Variants in DLG3 observed in about 807,000 individuals in gnomAD.
DLG3 encodes disks large homolog 3.
DLG3 carries 1 observed loss-of-function variant against 64.1 expected under a neutral mutation model. The ratio of observed to expected loss-of-function variants is 0.02; its 90% CI spans 0.01 to 0.07. The LOEUF (loss-of-function observed/expected upper bound fraction) is 0.07. DLG3 is among the 10% of genes least tolerant of loss of function. The pLI is 1.00. For missense variants in DLG3, 429 were observed against 669.5 expected (o/e 0.64, Z 3.96); for synonymous variants, 245 against 259.8 (o/e 0.94, Z 0.55).
chrX:70,450,096 T>C (rs1019860535), intron 4 of DLG3, 73 bp from the exon 5 acceptor site: 85 of 1,169,068 alleles, frequency 7.3e-5, no homozygotes, highest in South Asian at 1.9e-5. Flanking sequence ...GGGGAGGGGG[T>C]TTGGATTTGG....
In DLG3 at chrX:70,499,180, C is replaced by T. The variant is rs1305389462; in HGVS notation, c.1875C>T (p.His625=). ...CTCGATGCTCTCCCTCTCTAGTTCA[C>T]TATGCAAGGCCTGTGATCATCCTGG... The part of the protein sequence containing the change: ...SYEPVTRQEI[H]YARPVIILGP... The change falls in exon 15 of 19, where the codon CAC becomes CAT. Residue 625 remains histidine, a synonymous_variant. Transcript: ENST00000374360. 1 of 1,203,282 alleles carries T rather than the reference C, an allele frequency of 8.3e-7. No individual in the cohort carries two copies. Among genetic ancestry groups the T allele is most frequent in the Non-Finnish European group, 1.1e-6 (1 of 888,359 alleles).
intron 8 of DLG3, 124 bp downstream of exon 8, chrX:70,453,917 CTT>C: frequency 1.4e-6 from 1 of 723,695 alleles, no homozygotes. Context: ...CTGGAGAAAA[CTT>C]CTCTTGTTTT....
At position 70,458,007 on chromosome X, in the gene DLG3, C is replaced by G. The variant is rs143393855; in HGVS notation, c.1405+3691C>G. Among the ~76,000 whole-genome samples, 43 of 111,833 alleles carry G rather than the reference C, an allele frequency of 3.8e-4. No individual in the cohort carries two copies. The East Asian group carries it at 0.012, about 31-fold the overall frequency. ...CCTCCCACCTCAGCCTCCTGAGTAG[C>G]TGGGACTATAGGTGTGCACCAATAC... On this transcript the variant is annotated intron_variant, in intron 9 of 18. Coordinates refer to ENST00000374360, the MANE Select transcript of DLG3 (RefSeq NM_021120.4).
intron 10 of DLG3, among the ~76,000 whole-genome samples, chrX:70,486,267 G>C (rs2087252439): frequency 8.9e-6 from 1 of 112,065 alleles, no homozygotes; most frequent in Admixed American, 9.5e-5. Context: ...GCTTCGTAGA[G>C]ATATGTGGCC....
chrX:70,450,819 C>A (rs1324933686), intron 6 of DLG3, 36 bp downstream of exon 6: 1 of 1,209,424 alleles, frequency 8.3e-7, no homozygotes, highest in Admixed American at 2.2e-5. Flanking sequence ...TGGTCTAAAG[C>A]TCTGTCCCCT....
At chrX:70,462,808 G>A (rs1319164318) in intron 9 of DLG3, among the ~76,000 whole-genome samples, 4 of 111,479 alleles carry the variant, frequency 3.6e-5, no homozygotes, top group African/African-American at 6.5e-5. Context: ...GAACTGTCTG[G>A]CTTTTTTTAA....
chrX:70,480,357 TC>T (rs2087131303), intron 10 of DLG3, among the ~76,000 whole-genome samples: 1 of 111,647 alleles, frequency 9.0e-6, no homozygotes, highest in African/African-American at 3.3e-5. Context: ...CTTTTCTTTT[TC>T]CCCAGTTGGT....
At chrX:70,463,583 G>A (rs1420928120) in intron 9 of DLG3, among the ~76,000 whole-genome samples, 1 of 111,668 alleles carries the variant, frequency 9.0e-6, no homozygotes, top group Non-Finnish European at 1.9e-5. Flanking sequence ...TGCACAATAG[G>A]GTAATTGTTT....
In DLG3 at chrX:70,468,446, A is replaced by T. The variant is rs2086919587; in HGVS notation, c.1406-10704A>T. Among the ~76,000 whole-genome samples, 3 of 111,315 alleles carry T rather than the reference A, an allele frequency of 2.7e-5. No individual in the cohort carries two copies. In the Admixed American group the frequency reaches 2.9e-4, roughly 11 times the overall value. ...TTTGGGGGACAAAAACATCCAGTCA[A>T]TAGGGATAAACTGGAAATTTTTATG... On this transcript the variant is annotated intron_variant, in intron 9 of 18. Coordinates refer to ENST00000374360, the MANE Select transcript of DLG3 (RefSeq NM_021120.4).
chrX:70,450,556 T>C lies in DLG3; in HGVS notation c.841-83T>C, dbSNP rs10127352. ...GGGCCTTTGTTAGCATGCTGTTGAA[T>C]TTCACTGAAAAGGCATCCCTCGAGT... is the stretch of plus-strand genomic sequence containing the variant. On this transcript the variant is annotated intron_variant, in intron 5 of 18. Transcript: ENST00000374360. The C allele has an allele frequency of 5.3e-6, 6 of 1,133,658 alleles. No homozygotes were observed. In the African/African-American group the frequency reaches 1.1e-4, roughly 20 times the overall value. 93.4% of individuals were successfully genotyped at this position (1,133,658 alleles called of 1,213,427 possible).
chrX:70,479,954 A>G (rs1355750560), intron 10 of DLG3, among the ~76,000 whole-genome samples: 1 of 111,789 alleles, frequency 8.9e-6, no homozygotes, highest in Admixed American at 9.5e-5. Flanking sequence ...TGTCAGGTCA[A>G]AGTACAAATC....
chrX:70,460,940 A>G (rs1602902648), intron 9 of DLG3, among the ~76,000 whole-genome samples: 1 of 112,535 alleles, frequency 8.9e-6, no homozygotes, highest in Admixed American at 9.4e-5. Flanking sequence ...ATATATCATT[A>G]TATGGATATA....
At position 70,479,740 on chromosome X, in the gene DLG3, T is replaced by C. The variant is rs115114208; in HGVS notation, c.1520+476T>C. Among the ~76,000 whole-genome samples, 820 of 111,187 alleles carry C rather than the reference T, an allele frequency of 7.4e-3. 7 individuals carry two copies. Among genetic ancestry groups the C allele is most frequent in the African/African-American group, 0.025 (775 of 30,580 alleles). On this transcript the variant is annotated intron_variant, in intron 10 of 18. Transcript: ENST00000374360. The stretch of plus-strand genomic sequence containing the variant: ...ACAGGTTGCTGCATTCTGGATGTTT[T>C]ATTGTGATTCCATTCCCCCCTCACC...
In DLG3 at chrX:70,502,281, C is replaced by T. The variant is rs2087579492; in HGVS notation, c.*12C>T. 1 of 1,117,736 alleles carries T rather than the reference C, an allele frequency of 8.9e-7. No individual in the cohort carries two copies. The highest frequency in any genetic ancestry group is 1.8e-5 in the African/African-American group (1 of 55,900). 92.1% of individuals were successfully genotyped at this position (1,117,736 alleles called of 1,213,427 possible). A position where few individuals can be genotyped will look rare whatever the true frequency, so the allele number is the denominator to read the frequency against. The stretch of plus-strand genomic sequence containing the variant: ...CTGAAAAACTCTGAAGAATCCCCTC[C>T]AACCATTCTCTTGTGAACAGAAGAA... On this transcript the variant is annotated 3_prime_UTR_variant, in exon 19 of 19. Transcript: ENST00000374360.
At chrX:70,457,213 G>T (rs2086724372) in intron 9 of DLG3, among the ~76,000 whole-genome samples, 1 of 111,733 alleles carries the variant, frequency 8.9e-6, no homozygotes, top group Non-Finnish European at 1.9e-5. Context: ...CCATGCTTGT[G>T]AACACCTGAG....
intron 10 of DLG3, among the ~76,000 whole-genome samples, chrX:70,480,889 T>G (rs986010393): frequency 1.8e-5 from 2 of 112,209 alleles, no homozygotes; most frequent in African/African-American, 6.5e-5. Context: ...GCTCCCGATA[T>G]GGAGCACTCT....
At position 70,500,967 on chromosome X, in the gene DLG3, G is replaced by C. The variant is rs1426356509; in HGVS notation, c.2325G>C (p.Gln775His). ...ATGACAAAGCCATGAAACTGGAGCAGGAATTTGGAGAGTACTTTACAGGTA... is the reference window on the plus strand; with the variant it reads ...ATGACAAAGCCATGAAACTGGAGCACGAATTTGGAGAGTACTTTACAGGTA... ...KIYDKAMKLE[Q>H]EFGEYFTAIV... Residue 775 changes from glutamine (Q) to histidine (H), a missense_variant, in exon 18 of 19, where the codon CAG becomes CAC. Gln to His is a conservative substitution (Grantham distance 24). Transcript: ENST00000374360. 8 of 1,195,847 alleles carry C rather than the reference G, an allele frequency of 6.7e-6. No homozygotes were observed. The highest frequency in any genetic ancestry group is 6.8e-6 in the Non-Finnish European group (6 of 887,126).
In DLG3 at chrX:70,485,320, A is replaced by T. The variant is rs181331926; in HGVS notation, c.1520+6056A>T. On this transcript the variant is annotated intron_variant, in intron 10 of 18. Coordinates refer to ENST00000374360, the MANE Select transcript of DLG3 (RefSeq NM_021120.4). ...CGGTGTAATATGAAACATTAAAAAA[A>T]CCTTGCAAGAATTAAATAGCAATAA... Among the ~76,000 whole-genome samples the T allele has an allele frequency of 4.1e-3, 462 of 112,331 alleles. 3 individuals are homozygous for T. Among genetic ancestry groups the T allele is most frequent in the Non-Finnish European group, 6.8e-3 (362 of 53,282 alleles).
At chrX:70,445,668 C>T (rs986378403) in intron 1 of DLG3, 110 bp downstream of exon 1, 1 of 734,757 alleles carries the variant, frequency 1.4e-6, no homozygotes. Context: ...GCCTGTGGAC[C>T]CCGAGCCCTA....
Sources: allele counts gnomAD v4.1 joint callset (sites outside exome capture counted in the v4.1 genomes callset), GRCh38; gene constraint gnomAD v4.1.1; transcripts MANE v1.5; gene names NCBI Gene and HGNC (gene_info 2026-07-23, HGNC 2026-07-21).